Variants in DLC1 observed in about 807,000 individuals in gnomAD.
DLC1 encodes the protein DLC1 Rho GTPase activating protein, also known as rho GTPase-activating protein 7.
DLC1 carries 54 observed loss-of-function variants against 140.3 expected under a neutral mutation model. That is an observed-to-expected ratio of 0.38 (90% CI 0.31 to 0.48). DLC1 has a LOEUF of 0.48. DLC1 is among the 20% of genes least tolerant of loss of function. The pLI is 0.96. For synonymous variants in DLC1, 986 were observed against 728.1 expected (o/e 1.35, Z -5.70); for missense variants, 2,536 against 1,907.0 (o/e 1.33, Z -6.14).
chr8:13,490,065 G>A (rs1801166966), intron 2 of DLC1, among the ~76,000 whole-genome samples: 1 of 152,030 alleles, frequency 6.6e-6, no homozygotes, highest in Non-Finnish European at 1.5e-5. Flanking sequence ...CCCACTTTAG[G>A]TTGTGCTTTT....
chr8:13,362,537 A>G (rs537317859), intron 4 of DLC1, among the ~76,000 whole-genome samples: 13 of 148,802 alleles, frequency 8.7e-5, no homozygotes, highest in Non-Finnish European at 1.8e-4. Context: ...CATCCCTTCC[A>G]CTCCTGAACG....
chr8:13,403,247 T>A lies in DLC1; in HGVS notation c.1024-1628A>T, dbSNP rs142928757. 2.3e-4 allele frequency among the ~76,000 whole-genome samples: 35 copies of A among 152,302 alleles called. No homozygotes were observed. The East Asian group carries it at 5.6e-3, about 24-fold the overall frequency. On this transcript the variant is annotated intron_variant, in intron 2 of 17. Coordinates refer to ENST00000276297, the MANE Select transcript of DLC1 (RefSeq NM_182643.3). ...ACATTTTTTTGTCATCATAAACTAT[T>A]CTTATAAAGGGGTCCATGATATTTG...
intron 5 of DLC1, among the ~76,000 whole-genome samples, chr8:13,176,968 A>T (rs1395818669): frequency 6.6e-6 from 1 of 152,184 alleles, no homozygotes; most frequent in Non-Finnish European, 1.5e-5. Flanking sequence ...AACAGCAAGG[A>T]GACAGTTCTC....
chr8:13,234,510 T>G (rs1202073766), intron 5 of DLC1, among the ~76,000 whole-genome samples: 1 of 152,084 alleles, frequency 6.6e-6, no homozygotes, highest in Non-Finnish European at 1.5e-5. Context: ...TTTAAGACAA[T>G]GCACTTAGCC....
At chr8:13,418,145 T>G (rs1838157622) in intron 2 of DLC1, among the ~76,000 whole-genome samples, 1 of 152,196 alleles carries the variant, frequency 6.6e-6, no homozygotes, top group African/African-American at 2.4e-5. Context: ...CTGCGAAAAT[T>G]TTCTCCCATT....
intron 1 of DLC1, chr8:13,567,278 C>A (rs1563445609): frequency 6.4e-7 from 1 of 1,551,678 alleles, no homozygotes; most frequent in Admixed American, 2.0e-5. Flanking sequence ...CTCAAAGACT[C>A]TAACTTTGAA....
At chr8:13,155,274 C>G (rs1824168096) in intron 5 of DLC1, among the ~76,000 whole-genome samples, 1 of 151,544 alleles carries the variant, frequency 6.6e-6, no homozygotes. Flanking sequence ...TATAATGTAT[C>G]CAGTTTTTTA....
chr8:13,553,935 C>G (rs369689950), intron 1 of DLC1, among the ~76,000 whole-genome samples: 1 of 152,082 alleles, frequency 6.6e-6, no homozygotes, highest in Admixed American at 6.6e-5. Flanking sequence ...TCTTTGTCTG[C>G]GCCCTTTGCT....
chr8:13,198,362 G>C (rs995714039), intron 5 of DLC1, among the ~76,000 whole-genome samples: 6 of 152,126 alleles, frequency 3.9e-5, no homozygotes, highest in African/African-American at 1.4e-4. Flanking sequence ...GAGAGATGCT[G>C]AGCCGGTTCC....
Position 13,499,598 on chromosome 8 carries a change from T to C in DLC1, c.474A>G (p.Gln158=). 6.2e-7 allele frequency: 1 copy of C among 1,614,182 alleles called. No homozygotes were observed. Among genetic ancestry groups the C allele is most frequent in the Non-Finnish European group, 8.5e-7 (1 of 1,180,010 alleles). Residue 158 remains glutamine (Q), a synonymous_variant, in exon 2 of 18, where the codon CAA becomes CAG. Transcript: ENST00000276297. ...EKALPIIQSN[Q]VSSNSWGIAG... The stretch of plus-strand genomic sequence containing the variant: ...CTATTCCCCAGGAGTTAGAAGAAAC[T>C]TGGTTACTTTGTATGATGGGCAGTG...
chr8:13,138,089 G>A (rs1219813255), intron 5 of DLC1, among the ~76,000 whole-genome samples: 1 of 152,140 alleles, frequency 6.6e-6, no homozygotes, highest in Admixed American at 6.5e-5. Flanking sequence ...AGTTATTATT[G>A]ATACTGTCCA....
At chr8:13,436,016 A>G (rs1353853121) in intron 2 of DLC1, among the ~76,000 whole-genome samples, 3 of 152,222 alleles carry the variant, frequency 2.0e-5, no homozygotes, top group African/African-American at 7.2e-5. Context: ...TTTAGGAATA[A>G]AGTATTTTTA....
At chr8:13,287,627 C>A (rs1411462580) in intron 5 of DLC1, among the ~76,000 whole-genome samples, 1 of 152,150 alleles carries the variant, frequency 6.6e-6, no homozygotes, top group Non-Finnish European at 1.5e-5. Context: ...CAGTAGTAAA[C>A]ATCGTTAACA....
At chr8:13,388,244 T>C (rs1391935422) in intron 4 of DLC1, among the ~76,000 whole-genome samples, 1 of 152,044 alleles carries the variant, frequency 6.6e-6, no homozygotes, top group East Asian at 1.9e-4. Flanking sequence ...TTATAATTTT[T>C]ATTTTTAAGT....
intron 5 of DLC1, among the ~76,000 whole-genome samples, chr8:13,252,069 G>A (rs1181285208): frequency 3.9e-5 from 6 of 152,142 alleles, no homozygotes; most frequent in African/African-American, 1.4e-4. Context: ...CTTTAAGACT[G>A]TTGATTATTG....
rs552302543 is a variant in DLC1, at chr8:13,333,476, T to A, written c.1315-28174A>T. ...TTTGTCCTGGTTGGCCTTGAACTCC[T>A]GCACTGAAGTGATCTTCCTGTTTTA... On this transcript the variant is annotated intron_variant, in intron 4 of 17. Transcript: ENST00000276297. 2.0e-5 allele frequency among the ~76,000 whole-genome samples: 3 copies of A among 152,324 alleles called. No individual in the cohort carries two copies. In the South Asian group the frequency reaches 6.2e-4, roughly 32 times the overall value.
chr8:13,539,822 A>G (rs10094282), intron 1 of DLC1, among the ~76,000 whole-genome samples: 1,644 of 151,826 alleles, frequency 0.011, 28 homozygotes, highest in African/African-American at 0.037. Flanking sequence ...TGTTGAGTCA[A>G]TTATTTCTAA....
intron 4 of DLC1, among the ~76,000 whole-genome samples, chr8:13,339,067 A>C (rs138714343): frequency 6.6e-6 from 1 of 152,238 alleles, no homozygotes; most frequent in Non-Finnish European, 1.5e-5. Flanking sequence ...ATACGGGCTC[A>C]GTAAATGTTT....
intron 2 of DLC1, among the ~76,000 whole-genome samples, chr8:13,404,840 A>G (rs938820197): frequency 2.6e-5 from 4 of 152,048 alleles, no homozygotes; most frequent in African/African-American, 9.7e-5. Context: ...TCTGCTAAAA[A>G]TATATTTTTT....
Sources: gnomAD v4.1 joint callset for allele counts (sites outside exome capture counted in the v4.1 genomes callset) on GRCh38, gnomAD v4.1.1 for gene constraint, MANE v1.5 for transcripts, NCBI Gene and HGNC (gene_info 2026-07-23, HGNC 2026-07-21) for gene names.